The following USP34 variants were observed in gnomAD, a reference collection of about 807,000 sequenced individuals.
USP34 encodes ubiquitin carboxyl-terminal hydrolase 34.
Under a neutral mutation model 460.3 loss-of-function variants are expected in USP34, and 70 were observed. That is an observed-to-expected ratio of 0.15 (90% CI 0.13 to 0.19). USP34 has a LOEUF of 0.19. USP34 is among the 10% of genes least tolerant of loss of function. The probability of loss-of-function intolerance (pLI) is 1.00; values close to 1 mark genes in which losing one functional copy is unlikely to be tolerated. For synonymous variants in USP34, 1,647 were observed against 1,405.3 expected, an observed-to-expected ratio of 1.17 and a Z score of -3.85; for missense variants, 3,985 against 4,236.2, an observed-to-expected ratio of 0.94 and a Z score of 1.65.
intron 20 of USP34, among the ~76,000 whole-genome samples, chr2:61,325,797 C>G (rs1235346756): frequency 6.6e-6 from 1 of 152,156 alleles, no homozygotes; most frequent in African/African-American, 2.4e-5. Context: ...AAAACACCAT[C>G]TCTATCTAAA....
At chr2:61,361,305 T>C (rs1420571900) in intron 10 of USP34, among the ~76,000 whole-genome samples, 2 of 152,156 alleles carry the variant, frequency 1.3e-5, no homozygotes, top group Non-Finnish European at 2.9e-5. Context: ...CTTGTAGTCC[T>C]AGCTATTTTG....
intron 48 of USP34, among the ~76,000 whole-genome samples, chr2:61,250,050 C>T (rs886264033): frequency 5.9e-5 from 9 of 152,066 alleles, no homozygotes; most frequent in African/African-American, 9.7e-5. Flanking sequence ...GAGTTCGAGA[C>T]CATTCTGGCC....
Position 61,343,832 on chromosome 2 carries a change from T to C in USP34, c.2483A>G (p.His828Arg), listed in dbSNP as rs1244161383. The C allele has an allele frequency of 4.3e-6, 7 of 1,613,818 alleles. No individual in the cohort carries two copies. The highest frequency in any genetic ancestry group is 2.2e-5 in the East Asian group (1 of 44,844). ...QHLPNLASIY[H>R]EHLSQGPVVH... ...AGTCTTACCTTGACTAAGATGTTCA[T>C]GGTAAATGGAAGCTAAATTGGGAAG... The change falls in exon 16 of 80, where the codon CAT (histidine) becomes CGT (arginine). Residue 828 changes from histidine (H) to arginine (R), a missense_variant. His to Arg is a conservative substitution (Grantham distance 29, BLOSUM62 0). This residue lies in a region of USP34 where 716 missense variants were observed against 626.2 expected (regional missense o/e 1.14). Coordinates refer to ENST00000398571, the MANE Select transcript of USP34 (RefSeq NM_014709.4).
intron 19 of USP34, among the ~76,000 whole-genome samples, chr2:61,331,839 A>C (rs1691276825): frequency 6.6e-6 from 1 of 152,082 alleles, no homozygotes; most frequent in South Asian, 2.1e-4. Flanking sequence ...TAATGTAGAA[A>C]TACTACAATG....
chr2:61,357,227 C>T (rs1242169654), intron 10 of USP34, among the ~76,000 whole-genome samples: 1 of 152,106 alleles, frequency 6.6e-6, no homozygotes, highest in Non-Finnish European at 1.5e-5. Context: ...TACAGATAAT[C>T]ATACTAAAAT....
intron 53 of USP34, among the ~76,000 whole-genome samples, chr2:61,240,240 G>C (rs1688212847): frequency 1.0e-5 from 1 of 99,562 alleles, no homozygotes; most frequent in Non-Finnish European, 2.1e-5. Context: ...ACAACATTCT[G>C]AAATGAAGCC....
chr2:61,371,796 G>C (rs1439849336), intron 8 of USP34, among the ~76,000 whole-genome samples: 1 of 152,010 alleles, frequency 6.6e-6, no homozygotes, highest in South Asian at 2.1e-4. Flanking sequence ...GTCCTATACA[G>C]GCAATACCCT....
At chr2:61,371,399 C>T (rs1348393794) in intron 8 of USP34, among the ~76,000 whole-genome samples, 4 of 144,142 alleles carry the variant, frequency 2.8e-5, no homozygotes, top group African/African-American at 1.0e-4. Context: ...AAAAAAGGCA[C>T]AGTCAGCATG....
intron 35 of USP34, 147 bp from the exon 36 acceptor site, chr2:61,283,596 TG>T: frequency 2.0e-6 from 1 of 495,226 alleles, no homozygotes; most frequent in Non-Finnish European, 3.3e-6. Flanking sequence ...AGAGTGAGAG[TG>T]AGAGAGAGTG....
In USP34 at chr2:61,235,656, ATTAT is replaced by A. The variant is rs556182841; in HGVS notation, c.7032+185_7032+188del. ...GAATTTTTAAGTGACTTAATAATCAATTATTTAATCAGTGTAATGGATGTGATAT... is the reference window on the plus strand; with the variant it reads ...GAATTTTTAAGTGACTTAATAATCAATTAATCAGTGTAATGGATGTGATAT... On this transcript the variant is annotated intron_variant, in intron 57 of 79. Coordinates refer to ENST00000398571, the MANE Select transcript of USP34 (RefSeq NM_014709.4). Among the ~76,000 whole-genome samples, 40 of 152,236 alleles carry A rather than the reference ATTAT, an allele frequency of 2.6e-4. No individual in the cohort carries two copies. The East Asian group carries it at 7.7e-3, about 29-fold the overall frequency.
chr2:61,324,307 A>T (rs1691018649), intron 21 of USP34, among the ~76,000 whole-genome samples: 1 of 152,232 alleles, frequency 6.6e-6, no homozygotes, highest in East Asian at 1.9e-4. Flanking sequence ...CTTTTAAAAA[A>T]TTAACTGTTA....
intron 43 of USP34, among the ~76,000 whole-genome samples, chr2:61,260,486 A>G (rs1473328378): frequency 2.0e-5 from 3 of 152,234 alleles, no homozygotes. Flanking sequence ...ATAGGCGTCC[A>G]CAAGCTAAGA....
Position 61,317,746 on chromosome 2 carries a change from T to C in USP34, c.3190A>G (p.Thr1064Ala), listed in dbSNP as rs1376118747. Residue 1064 changes from threonine (T) to alanine (A), a missense_variant, in exon 23 of 80, where the codon ACA (threonine) becomes GCA (alanine). Around this residue, in one of 14 missense-constraint regions of USP34, gnomAD observed 1,114 missense variants for 1,122.5 expected, o/e 0.99. Transcript: ENST00000398571. ...LEKMPQLKPE[T>A]ISMTGLNLFQ... ...AGGTTTAAGCCAGTCATGCTAATTG[T>C]TTCAGGTTTTAGCTGGGGCATCTTT... 1 of 1,613,926 alleles carries C rather than the reference T, an allele frequency of 6.2e-7. No individual in the cohort carries two copies. The highest frequency in any genetic ancestry group is 8.5e-7 in the Non-Finnish European group (1 of 1,179,966).
At chr2:61,204,887 T>C (rs1422445963) in intron 72 of USP34, among the ~76,000 whole-genome samples, 1 of 152,164 alleles carries the variant, frequency 6.6e-6, no homozygotes, top group Non-Finnish European at 1.5e-5. Flanking sequence ...GAGGGATTTT[T>C]TTTTGGTCTC....
At position 61,257,320 on chromosome 2, in the gene USP34, G is replaced by A; in HGVS notation, c.5875C>T (p.Pro1959Ser). 2 of 1,610,550 alleles carry A rather than the reference G, an allele frequency of 1.2e-6. No homozygotes were observed. Among genetic ancestry groups the A allele is most frequent in the Non-Finnish European group, 1.7e-6 (2 of 1,178,616 alleles). ...TCCATGGTGTATGTTTTACAGAAAGGTCTAGGATTATATGCTTTGCATTCA... is the reference window on the plus strand; with the variant it reads ...TCCATGGTGTATGTTTTACAGAAAGATCTAGGATTATATGCTTTGCATTCA... ...ESECKAYNPR[P>S]FCKTYTMDKQ... Residue 1959 changes from proline (P) to serine (S), a missense_variant, in exon 45 of 80, where the codon CCT (proline) becomes TCT (serine). Coordinates refer to ENST00000398571, the MANE Select transcript of USP34 (RefSeq NM_014709.4).
intron 34 of USP34, 146 bp downstream of exon 34, chr2:61,288,531 T>A (rs539219997): frequency 1.3e-6 from 1 of 761,004 alleles, no homozygotes; most frequent in South Asian, 1.8e-5. Context: ...TGCTTCATAA[T>A]CACTACTGCT....
intron 1 of USP34, among the ~76,000 whole-genome samples, chr2:61,432,709 G>T (rs949394587): frequency 6.6e-6 from 1 of 151,982 alleles, no homozygotes; most frequent in African/African-American, 2.4e-5. Context: ...CCAGTGGGTG[G>T]GAGAGAGACA....
At chr2:61,216,277 C>G (rs1481947084) in intron 67 of USP34, among the ~76,000 whole-genome samples, 1 of 152,140 alleles carries the variant, frequency 6.6e-6, no homozygotes, top group Non-Finnish European at 1.5e-5. Context: ...CATAAAACTT[C>G]AATCAAGAAA....
intron 3 of USP34, among the ~76,000 whole-genome samples, chr2:61,398,609 G>A (rs1160926452): frequency 3.3e-5 from 5 of 151,088 alleles, no homozygotes; most frequent in African/African-American, 1.2e-4. Context: ...GGGAGAAAAG[G>A]GAAGGAGAAA....
Sources: allele counts gnomAD v4.1 joint callset (sites outside exome capture counted in the v4.1 genomes callset), GRCh38; gene constraint gnomAD v4.1.1; regional missense constraint gnomAD v4.1.1; transcripts MANE v1.5; gene names NCBI Gene and HGNC (gene_info 2026-07-23, HGNC 2026-07-21).